Variants in YAE1 observed in about 807,000 individuals in gnomAD.
The protein encoded by YAE1 is protein YAE1 homolog.
Under a neutral mutation model 23.0 loss-of-function variants are expected in YAE1, and 22 were observed. That is an observed-to-expected ratio of 0.96 (90% CI 0.68 to 1.37). The LOEUF is 1.37. Among genes scored for constraint, YAE1 ranks in the 40% most tolerant of loss-of-function variants. The pLI is 0.00. For synonymous variants in YAE1, 101 were observed against 97.0 expected, an observed-to-expected ratio of 1.04 and a Z score of -0.24; for missense variants, 260 against 262.1, an observed-to-expected ratio of 0.99 and a Z score of 0.06.
chr7:39,576,498 A>G (rs1562590780), downstream of YAE1, among the ~76,000 whole-genome samples: 1 of 152,188 alleles, frequency 6.6e-6, no homozygotes, highest in Non-Finnish European at 1.5e-5. Context: ...TACAGGCATT[A>G]CTACAATGCT....
chr7:39,601,074 T>A (rs1312655019), intron 2 of YAE1, among the ~76,000 whole-genome samples: 1 of 152,178 alleles, frequency 6.6e-6, no homozygotes. Flanking sequence ...AAGAGAAGAT[T>A]TTGTCTGTAT....
intron 2 of YAE1, among the ~76,000 whole-genome samples, chr7:39,604,632 G>C (rs941465453): frequency 6.6e-6 from 1 of 152,216 alleles, no homozygotes; most frequent in African/African-American, 2.4e-5. Context: ...TAATATTAAG[G>C]CTACTTTGAT....
At chr7:39,574,093 C>T (rs938319939), downstream of YAE1, among the ~76,000 whole-genome samples, 1 of 151,778 alleles carries the variant, frequency 6.6e-6, no homozygotes, top group Admixed American at 6.6e-5. Context: ...CATCTCAAGG[C>T]CACCCTAAGT....
chr7:39,608,492 ACAAAG>A, intron 2 of YAE1, among the ~76,000 whole-genome samples: 1 of 152,182 alleles, frequency 6.6e-6, no homozygotes, highest in Non-Finnish European at 1.5e-5. Context: ...AGGGTAGAAA[ACAAAG>A]AGAGGAAGAG....
chr7:39,593,853 G>A (rs1323035621), intron 2 of YAE1, among the ~76,000 whole-genome samples: 1 of 152,128 alleles, frequency 6.6e-6, no homozygotes, highest in Non-Finnish European at 1.5e-5. Flanking sequence ...GTATAGTTAC[G>A]ATAACTGCCT....
chr7:39,566,694 T>C, intron 1 of YAE1, 147 bp downstream of exon 1: 1 of 1,106,812 alleles, frequency 9.0e-7, no homozygotes, highest in Non-Finnish European at 1.2e-6. Flanking sequence ...CTTGCTAGGA[T>C]TTCTCGATGG....
At chr7:39,598,931 G>A (rs991670527) in intron 2 of YAE1, among the ~76,000 whole-genome samples, 2 of 151,796 alleles carry the variant, frequency 1.3e-5, no homozygotes, top group Admixed American at 6.6e-5. Context: ...GATGTATAAC[G>A]TAGGGATTCT....
chr7:39,575,943 T>G (rs1206108474), downstream of YAE1, among the ~76,000 whole-genome samples: 1 of 152,202 alleles, frequency 6.6e-6, no homozygotes, highest in Non-Finnish European at 1.5e-5. Flanking sequence ...ACAGCACTTT[T>G]TCTTGTCCGC....
At position 39,566,422 on chromosome 7, in the gene YAE1, T is replaced by G. The variant is rs1353107066; in HGVS notation, c.4T>G (p.Ser2Ala). The change falls in exon 1 of 3, where the codon TCG becomes GCG. Residue 2 changes from serine (S) to alanine (A), a missense_variant. Coordinates refer to ENST00000223273, the MANE Select transcript of YAE1 (RefSeq NM_020192.5). ...CGACCCCGTAATTGCCTCGGTGATG[T>G]CGTGGGTTCAAGCAGCCTCCTTGAT... M[S>A]WVQAASLIQG... The G allele has an allele frequency of 6.2e-7, 1 of 1,613,610 alleles. No homozygotes were observed. The highest frequency in any genetic ancestry group is 8.5e-7 in the Non-Finnish European group (1 of 1,179,732).
intron 1 of YAE1, chr7:39,566,758 G>T: frequency 1.6e-6 from 1 of 634,436 alleles, no homozygotes; most frequent in Non-Finnish European, 2.5e-6. Context: ...CCTACGGGAT[G>T]CGTTAGAAAC....
intron 2 of YAE1, among the ~76,000 whole-genome samples, chr7:39,607,323 T>A (rs1286948545): frequency 6.6e-6 from 1 of 152,228 alleles, no homozygotes; most frequent in Non-Finnish European, 1.5e-5. Context: ...AGGTTGATAA[T>A]CAGCTGGCTT....
downstream of YAE1, among the ~76,000 whole-genome samples, chr7:39,575,546 G>GAC (rs573483202): frequency 3.6e-5 from 3 of 83,864 alleles, no homozygotes; most frequent in South Asian, 6.0e-4. Flanking sequence ...AGGAGAGAGA[G>GAC]AGAGAGAGAG....
intron 2 of YAE1, among the ~76,000 whole-genome samples, chr7:39,571,284 T>C (rs1790560992): frequency 1.3e-5 from 2 of 151,458 alleles, no homozygotes. Context: ...TTCTTTTTTT[T>C]TTTTTTTTAA....
intron 2 of YAE1, among the ~76,000 whole-genome samples, chr7:39,571,222 T>G (rs1033052770): frequency 2.0e-5 from 3 of 152,022 alleles, no homozygotes; most frequent in African/African-American, 7.2e-5. Flanking sequence ...TCATAAACTT[T>G]CTTAAAACAA....
intron 2 of YAE1, among the ~76,000 whole-genome samples, chr7:39,589,412 C>T (rs1790869191): frequency 6.6e-6 from 1 of 152,026 alleles, no homozygotes; most frequent in African/African-American, 2.4e-5. Flanking sequence ...GGACTACAGG[C>T]ATGCACCACC....
intron 2 of YAE1, among the ~76,000 whole-genome samples, chr7:39,594,150 C>G (rs575519855): frequency 6.6e-6 from 1 of 152,308 alleles, no homozygotes; most frequent in African/African-American, 2.4e-5. Context: ...ATCTTTGTTC[C>G]ATTCTTTTAG....
At chr7:39,610,994 A>C (rs1043108000), downstream of YAE1, among the ~76,000 whole-genome samples, 33 of 152,034 alleles carry the variant, frequency 2.2e-4, no homozygotes, top group African/African-American at 8.0e-4. Context: ...CTAAAAATAC[A>C]AAAATTAGGT....
intron 2 of YAE1, among the ~76,000 whole-genome samples, chr7:39,598,353 A>G (rs922309956): frequency 6.7e-6 from 1 of 148,526 alleles, no homozygotes; most frequent in African/African-American, 2.5e-5. Flanking sequence ...CAAGTGATCC[A>G]CCTGCCTCGC....
chr7:39,582,514 C>T (rs917125088), intron 2 of YAE1, among the ~76,000 whole-genome samples: 5 of 152,104 alleles, frequency 3.3e-5, no homozygotes, highest in African/African-American at 9.7e-5. Context: ...AGCTGCCAAA[C>T]GATATATTAT....
Sources: allele counts gnomAD v4.1 joint callset (sites outside exome capture counted in the v4.1 genomes callset), GRCh38; gene constraint gnomAD v4.1.1; transcripts MANE v1.5; gene names NCBI Gene and HGNC (gene_info 2026-07-23, HGNC 2026-07-21).